The following ROCK2 variants were observed in gnomAD, a reference collection of about 807,000 sequenced individuals.
ROCK2 encodes rho-associated protein kinase 2.
In ROCK2, 61 loss-of-function variants were observed where a neutral mutation model predicts 195.1. The observed-to-expected ratio is 0.31, with a 90% confidence interval of 0.25 to 0.39. The LOEUF (loss-of-function observed/expected upper bound fraction) is 0.39, where lower values mean the gene tolerates loss of function less well. ROCK2 is among the 10% of genes least tolerant of loss of function. ROCK2 has a pLI of 1.00. For missense variants in ROCK2, 1,109 were observed against 1,637.4 expected (o/e 0.68, Z 5.57); for synonymous variants, 504 against 545.5 (o/e 0.92, Z 1.06).
At chr2:11,221,643 G>A (rs10193819) in intron 8 of ROCK2, among the ~76,000 whole-genome samples, 6 of 152,072 alleles carry the variant, frequency 3.9e-5, no homozygotes, top group African/African-American at 7.2e-5. Context: ...CTACAATCTC[G>A]AAACAGAAAT....
intron 4 of ROCK2, among the ~76,000 whole-genome samples, chr2:11,241,423 C>T (rs1665425751): frequency 6.6e-6 from 1 of 152,040 alleles, no homozygotes; most frequent in Non-Finnish European, 1.5e-5. Context: ...GAAGCTGAGA[C>T]AGAAAAAACA....
intron 1 of ROCK2, among the ~76,000 whole-genome samples, chr2:11,319,849 C>T (rs1160742760): frequency 1.3e-5 from 2 of 152,104 alleles, no homozygotes; most frequent in African/African-American, 2.4e-5. Flanking sequence ...TTAAATACCA[C>T]GGATATTTTA....
rs1247131322 is a variant in ROCK2, at chr2:11,192,698, A to T, written c.3702T>A (p.Asn1234Lys). ...CTTGTTCCTTCTTACTTTCTCCTTC[A>T]TTGGCATACAGAATCTATGAATGCC... The part of the protein sequence containing the change: ...IPRIFQILYA[N>K]EGESKKEQEF... Residue 1234 changes from asparagine (N) to lysine (K), a missense_variant, in exon 31 of 33, where the codon AAT becomes AAA. Asn to Lys is a moderately conservative substitution (Grantham distance 94). This residue lies in a region of ROCK2 where 221 missense variants were observed against 355.1 expected (regional missense o/e 0.62). Coordinates refer to ENST00000315872, the MANE Select transcript of ROCK2 (RefSeq NM_004850.5). This position sits in a 1 kb window ranked among gnomAD's most constrained non-coding sequence, Gnocchi z 5.0. 6.2e-7 allele frequency: 1 copy of T among 1,612,702 alleles called. No individual in the cohort carries two copies.
In ROCK2 at chr2:11,201,546, A is replaced by G; in HGVS notation, c.2620-133T>C. On this transcript the variant is annotated intron_variant, in intron 21 of 32. Transcript: ENST00000315872. The surrounding 1 kb of genome is among the most constrained non-coding windows in gnomAD (Gnocchi z 4.6). ...TACTGCTAAGTCCCCGAGCAAATGA[A>G]TAGTTTAATGAACTTTCCTATTTCT... 4.9e-6 allele frequency: 3 copies of G among 613,282 alleles called. No homozygotes were observed. Among genetic ancestry groups the G allele is most frequent in the Non-Finnish European group, 8.7e-6 (3 of 346,454 alleles). The allele number at this position is 613,282 out of a possible 1,614,324, so 38.0% of individuals were successfully genotyped here. A position where few individuals can be genotyped will look rare whatever the true frequency, so the allele number is the denominator to read the frequency against.
At chr2:11,329,906 T>A (rs1356686911) in intron 1 of ROCK2, among the ~76,000 whole-genome samples, 2 of 152,236 alleles carry the variant, frequency 1.3e-5, no homozygotes, top group African/African-American at 4.8e-5. Flanking sequence ...ATATTCCGTT[T>A]AAGCTACAGC....
At position 11,286,543 on chromosome 2, in the gene ROCK2, T is replaced by C. The variant is rs1254543995; in HGVS notation, c.320A>G (p.Gln107Arg). ...VIGRGAFGEVQLVRHKASQKV... is the reference protein window; with the variant it reads ...VIGRGAFGEVRLVRHKASQKV... Reference sequence around the variant, plus strand: ...AAGAACAAAACACTTTCTTACCAACTGCACTTCACCAAAAGCACCTCTTCC... The same window carrying C: ...AAGAACAAAACACTTTCTTACCAACCGCACTTCACCAAAAGCACCTCTTCC... Residue 107 changes from glutamine (Q) to arginine (R), a missense_variant, in exon 3 of 33, where the codon CAG (glutamine) becomes CGG (arginine). Gln to Arg is a conservative substitution (Grantham distance 43). Coordinates refer to ENST00000315872, the MANE Select transcript of ROCK2 (RefSeq NM_004850.5). 1.9e-6 allele frequency: 3 copies of C among 1,589,896 alleles called. No homozygotes were observed. In the African/African-American group the frequency reaches 4.0e-5, roughly 21 times the overall value.
chr2:11,240,433 C>T (rs1208480737), intron 4 of ROCK2, among the ~76,000 whole-genome samples: 1 of 152,144 alleles, frequency 6.6e-6, no homozygotes, highest in Non-Finnish European at 1.5e-5. Flanking sequence ...CTATTCAGCA[C>T]TAAAAAGGGA....
intron 3 of ROCK2, among the ~76,000 whole-genome samples, chr2:11,282,855 C>G (rs1407995967): frequency 2.6e-5 from 4 of 151,888 alleles, no homozygotes; most frequent in Non-Finnish European, 5.9e-5. Context: ...ACCCACCTGA[C>G]AAAGGTCTAT....
At chr2:11,317,573 CATTTATAT>C (rs1668235750) in intron 1 of ROCK2, among the ~76,000 whole-genome samples, 8 of 49,778 alleles carry the variant, frequency 1.6e-4, no homozygotes, top group African/African-American at 7.4e-4. Flanking sequence ...CTGATCTACA[CATTTATAT>C]ATATATATAT....
At chr2:11,194,857 A>G (rs1379928231) in intron 28 of ROCK2, 98 bp downstream of exon 28, 2 of 525,256 alleles carry the variant, frequency 3.8e-6, no homozygotes, top group Non-Finnish European at 6.7e-6. Context: ...ATGTGTCTAA[A>G]GGTACCAGTC....
chr2:11,246,990 T>A (rs1665639558), intron 4 of ROCK2, among the ~76,000 whole-genome samples: 1 of 152,184 alleles, frequency 6.6e-6, no homozygotes, highest in East Asian at 1.9e-4. Context: ...CGAAGTGTGG[T>A]ACAACCATGT....
At chr2:11,263,088 A>C (rs1041463615) in intron 3 of ROCK2, among the ~76,000 whole-genome samples, 2 of 152,204 alleles carry the variant, frequency 1.3e-5, no homozygotes, top group Non-Finnish European at 2.9e-5. Context: ...ATAACCCTGT[A>C]AACAGTGAAG....
At chr2:11,321,146 C>T (rs925886824) in intron 1 of ROCK2, among the ~76,000 whole-genome samples, 4 of 152,036 alleles carry the variant, frequency 2.6e-5, no homozygotes, top group Admixed American at 6.5e-5. Flanking sequence ...TGCTCTTTAC[C>T]GGCATAACAA....
At chr2:11,227,524 C>G in intron 5 of ROCK2, 126 bp from the exon 6 acceptor site, 1 of 767,172 alleles carries the variant, frequency 1.3e-6, no homozygotes, top group Non-Finnish European at 2.0e-6. Context: ...AACTTCACTG[C>G]TGACATGACT....
intron 3 of ROCK2, among the ~76,000 whole-genome samples, chr2:11,274,900 TC>T (rs1666770290): frequency 6.6e-6 from 1 of 152,180 alleles, no homozygotes. Context: ...TTATGTTTTT[TC>T]CTATACATAC....
chr2:11,336,792 C>G (rs1668942378), intron 1 of ROCK2, among the ~76,000 whole-genome samples: 1 of 152,124 alleles, frequency 6.6e-6, no homozygotes, highest in African/African-American at 2.4e-5. Context: ...TAACTCACAC[C>G]ACACATTAAA....
intron 1 of ROCK2, among the ~76,000 whole-genome samples, chr2:11,305,350 C>T (rs182874653): frequency 6.2e-4 from 94 of 151,868 alleles, no homozygotes; most frequent in Non-Finnish European, 1.2e-3. Context: ...CACTCCAGCC[C>T]GGACAACAGA....
At chr2:11,266,908 A>G (rs906952887) in intron 3 of ROCK2, among the ~76,000 whole-genome samples, 1 of 152,170 alleles carries the variant, frequency 6.6e-6, no homozygotes, top group Non-Finnish European at 1.5e-5. Flanking sequence ...TTCTTTCTGC[A>G]TATTTTGTAG....
intron 1 of ROCK2, among the ~76,000 whole-genome samples, chr2:11,320,269 G>A (rs895644501): frequency 6.6e-6 from 1 of 152,056 alleles, no homozygotes; most frequent in Non-Finnish European, 1.5e-5. Context: ...ACATTCCAGG[G>A]GTTTTCCTAG....
Sources: allele counts gnomAD v4.1 joint callset (sites outside exome capture counted in the v4.1 genomes callset), GRCh38; gene constraint gnomAD v4.1.1; regional missense constraint gnomAD v4.1.1; non-coding constraint Gnocchi (gnomAD v3.1); transcripts MANE v1.5; gene names NCBI Gene and HGNC (gene_info 2026-07-23, HGNC 2026-07-21).